Variants in GDA observed in about 807,000 individuals in gnomAD.
The protein encoded by GDA is cytoplasmic PSD-95 interactor.
A neutral mutation model predicts 59.6 loss-of-function variants in GDA; 18 were observed. The ratio of observed to expected loss-of-function variants is 0.30; its 90% CI spans 0.21 to 0.45. The LOEUF is 0.45. GDA is among the 20% of genes least tolerant of loss of function. The pLI is 1.00. For missense variants in GDA, 427 were observed against 552.3 expected, an observed-to-expected ratio of 0.77 and a Z score of 2.27; for synonymous variants, 201 against 201.1, an observed-to-expected ratio of 1.00 and a Z score of 0.00.
At chr9:72,211,243 C>T (rs1028233084) in intron 4 of GDA, among the ~76,000 whole-genome samples, 6 of 152,194 alleles carry the variant, frequency 3.9e-5, no homozygotes, top group Non-Finnish European at 8.8e-5. Context: ...AATACCTACA[C>T]CATTGATCAC....
chr9:72,245,036 A>ATTTTTTTTT, intron 11 of GDA, 112 bp from the exon 12 acceptor site: 1 of 766,280 alleles, frequency 1.3e-6, no homozygotes, highest in African/African-American at 1.8e-5. Context: ...TAAGATACTA[A>ATTTTTTTTT]TTTTTTTTTT....
At chr9:72,162,234 G>A (rs1828719910) in intron 1 of GDA, among the ~76,000 whole-genome samples, 1 of 152,120 alleles carries the variant, frequency 6.6e-6, no homozygotes, top group African/African-American at 2.4e-5. Flanking sequence ...AGGATCTCAA[G>A]GTCTTAGGGA....
chr9:72,209,879 T>A (rs1835151568), intron 3 of GDA, among the ~76,000 whole-genome samples: 1 of 152,180 alleles, frequency 6.6e-6, no homozygotes, highest in South Asian at 2.1e-4. Flanking sequence ...CACGTGGTAT[T>A]CTGGGGAAAA....
chr9:72,234,592 T>A (rs1490443596), intron 10 of GDA, among the ~76,000 whole-genome samples: 1 of 151,668 alleles, frequency 6.6e-6, no homozygotes, highest in African/African-American at 2.4e-5. Context: ...ACACATGGGG[T>A]TTTTTTCTGA....
chr9:72,158,960 C>T (rs533369267), intron 1 of GDA, among the ~76,000 whole-genome samples: 3 of 152,232 alleles, frequency 2.0e-5, no homozygotes, highest in South Asian at 4.1e-4. Context: ...GCTGCAGTCA[C>T]AGCAAATAAG....
At chr9:72,165,774 T>C (rs1165966771) in intron 1 of GDA, among the ~76,000 whole-genome samples, 1 of 146,404 alleles carries the variant, frequency 6.8e-6, no homozygotes, top group Middle Eastern at 3.3e-3. Flanking sequence ...GGCAGGTGCC[T>C]GTAATCCCAG....
chr9:72,217,615 A>G (rs1836299801), intron 5 of GDA, among the ~76,000 whole-genome samples: 1 of 152,168 alleles, frequency 6.6e-6, no homozygotes, highest in Non-Finnish European at 1.5e-5. Flanking sequence ...CCTAGGGTAA[A>G]TCCTCTTGTA....
intron 1 of GDA, among the ~76,000 whole-genome samples, chr9:72,120,290 C>T (rs377500753): frequency 3.3e-5 from 5 of 151,724 alleles, no homozygotes; most frequent in Non-Finnish European, 7.4e-5. Flanking sequence ...TGGGTTCAAG[C>T]GATTCTCCTG....
intron 1 of GDA, among the ~76,000 whole-genome samples, chr9:72,178,552 G>T (rs1014731866): frequency 6.6e-6 from 1 of 151,858 alleles, no homozygotes; most frequent in Admixed American, 6.6e-5. Flanking sequence ...CGAGTAGCTG[G>T]GATTACAGGC....
intron 2 of GDA, among the ~76,000 whole-genome samples, chr9:72,195,942 C>A (rs1023288473): frequency 6.6e-6 from 1 of 151,976 alleles, no homozygotes; most frequent in African/African-American, 2.4e-5. Context: ...CAAACAGATA[C>A]CTGCGCATGA....
chr9:72,248,730 A>C lies in GDA; in HGVS notation c.*388A>C, dbSNP rs1840405670. 45 of 1,006,742 alleles carry C rather than the reference A, an allele frequency of 4.5e-5. No homozygotes were observed. The highest frequency in any genetic ancestry group is 5.0e-5 in the Non-Finnish European group (42 of 840,922). 62.4% of individuals were successfully genotyped at this position (1,006,742 alleles called of 1,614,324 possible). A position where few individuals can be genotyped will look rare whatever the true frequency, so the allele number is the denominator to read the frequency against. On this transcript the variant is annotated 3_prime_UTR_variant, in exon 14 of 14. Transcript: ENST00000358399. The stretch of plus-strand genomic sequence containing the variant: ...TTGAGCTAATAATTGCAAAAATTAG[A>C]AGACTGAAAATGGACCCATGAGAGT...
At chr9:72,148,309 ATG>A (rs58161772), upstream of GDA, among the ~76,000 whole-genome samples, 5,273 of 145,862 alleles carry the variant, frequency 0.036, 275 homozygotes, top group African/African-American at 0.12. Flanking sequence ...TGGTGTGTGT[ATG>A]TGTGTGTGTG....
chr9:72,181,817 T>C (rs1165219525), intron 1 of GDA, among the ~76,000 whole-genome samples: 1 of 152,176 alleles, frequency 6.6e-6, no homozygotes, highest in Non-Finnish European at 1.5e-5. Flanking sequence ...ACTTTCACTT[T>C]TTATATTTGC....
At position 72,225,218 on chromosome 9, in the gene GDA, T is replaced by A. The variant is rs150455079; in HGVS notation, c.715-459T>A. Among the ~76,000 whole-genome samples, 11 of 152,168 alleles carry A rather than the reference T, an allele frequency of 7.2e-5. No individual in the cohort carries two copies. In the East Asian group the frequency reaches 1.7e-3, roughly 24 times the overall value. ...CTCACTTGAACCTGGGAGGCAGAGG[T>A]TGCAGTGAGTGGAGATTGTGCCACT... On this transcript the variant is annotated intron_variant, in intron 7 of 13. Transcript: ENST00000358399.
chr9:72,234,786 A>G (rs1311544212), intron 10 of GDA, among the ~76,000 whole-genome samples: 1 of 152,238 alleles, frequency 6.6e-6, no homozygotes, highest in African/African-American at 2.4e-5. Context: ...TGACACAAGG[A>G]AAAAAGTCAA....
chr9:72,121,260 C>A (rs192578861), intron 1 of GDA, among the ~76,000 whole-genome samples: 2 of 152,204 alleles, frequency 1.3e-5, no homozygotes, highest in East Asian at 1.9e-4. Flanking sequence ...ATGCAACATG[C>A]GTGTGGCAAA....
chr9:72,129,108 A>C (rs552046632), intron 1 of GDA, among the ~76,000 whole-genome samples: 1 of 152,022 alleles, frequency 6.6e-6, no homozygotes, highest in Non-Finnish European at 1.5e-5. Context: ...GATTACAGGC[A>C]TGCGCCACCA....
chr9:72,204,298 A>G (rs1293127361), intron 3 of GDA, among the ~76,000 whole-genome samples: 1 of 152,228 alleles, frequency 6.6e-6, no homozygotes, highest in African/African-American at 2.4e-5. Context: ...TTTATTCTCA[A>G]AATTTATTTA....
At chr9:72,235,829 A>C (rs1405786359) in intron 10 of GDA, among the ~76,000 whole-genome samples, 2 of 152,224 alleles carry the variant, frequency 1.3e-5, no homozygotes, top group African/African-American at 2.4e-5. Flanking sequence ...TATGAAAAAA[A>C]CCATAAAAAC....
Sources: allele counts gnomAD v4.1 joint callset (sites outside exome capture counted in the v4.1 genomes callset), GRCh38; gene constraint gnomAD v4.1.1; transcripts MANE v1.5; gene names NCBI Gene and HGNC (gene_info 2026-07-23, HGNC 2026-07-21).